NCAPG2: variants seen among roughly 807,000 people sequenced by gnomAD.
The protein encoded by NCAPG2 is condensin-2 complex subunit G2.
In NCAPG2, 53 loss-of-function variants were observed where a neutral mutation model predicts 141.1. The ratio of observed to expected loss-of-function variants is 0.38; its 90% CI spans 0.30 to 0.47. The LOEUF (loss-of-function observed/expected upper bound fraction) is 0.47, where lower values mean the gene tolerates loss of function less well. Among genes scored for constraint, NCAPG2 ranks in the 20% least tolerant of loss-of-function variants. The pLI, the probability that NCAPG2 is intolerant of heterozygous loss-of-function variation, is 0.99. For missense variants in NCAPG2, 1,087 were observed against 1,389.0 expected, an observed-to-expected ratio of 0.78 and a Z score of 3.46; for synonymous variants, 499 against 490.7, an observed-to-expected ratio of 1.02 and a Z score of -0.22.
chr7:158,689,918 T>C lies in NCAPG2; in HGVS notation c.573A>G (p.Gln191=), dbSNP rs377675963. The C allele has an allele frequency of 1.7e-5, 27 of 1,603,444 alleles. No homozygotes were observed. The highest frequency in any genetic ancestry group is 2.2e-5 in the Non-Finnish European group (26 of 1,175,752). Residue 191 remains glutamine (Q), a synonymous_variant, in exon 6 of 28, where the codon CAA becomes CAG. Transcript: ENST00000356309. Reference sequence around the variant, plus strand: ...AATCATAATCAAAGCAATATAAAGCTTGATGGATACGCCAAAGCCGACATA... The same window carrying C: ...AATCATAATCAAAGCAATATAAAGCCTGATGGATACGCCAAAGCCGACATA... ...ADVCRLWRIH[Q]ALYCFDYDLE...
chr7:158,657,590 T>C lies in NCAPG2; in HGVS notation c.2060+748A>G, dbSNP rs377089848. On this transcript the variant is annotated intron_variant, in intron 17 of 27. Coordinates refer to ENST00000356309, the MANE Select transcript of NCAPG2 (RefSeq NM_017760.7). ...CCGGGAGGTGAGGGGTGCCTCTGCC[T>C]GGCCGCCCCTACTGGGAAGTGAGGA... 4.1e-4 allele frequency among the ~76,000 whole-genome samples: 62 copies of C among 152,310 alleles called. No homozygotes were observed. The East Asian group carries it at 9.5e-3, about 23-fold the overall frequency.
chr7:158,641,254 A>G, intron 27 of NCAPG2: 1 of 371,234 alleles, frequency 2.7e-6, no homozygotes, highest in Non-Finnish European at 4.8e-6. Flanking sequence ...AACAAATAGA[A>G]GACAATAACA....
At chr7:158,689,380 C>A (rs897672195) in intron 6 of NCAPG2, among the ~76,000 whole-genome samples, 21 of 152,022 alleles carry the variant, frequency 1.4e-4, no homozygotes, top group Non-Finnish European at 2.9e-4. Context: ...TGGGAGTTGA[C>A]CCCAGGACGG....
chr7:158,637,041 G>A (rs548486010), intron 27 of NCAPG2, among the ~76,000 whole-genome samples: 15 of 151,678 alleles, frequency 9.9e-5, no homozygotes, highest in Admixed American at 3.3e-4. Flanking sequence ...TCCGCCTCCC[G>A]GGTTCATGCC....
At position 158,658,384 on chromosome 7, in the gene NCAPG2, A is replaced by T. The variant is rs750112074; in HGVS notation, c.2014T>A (p.Phe672Ile). ...FKDDRCKIPL[F>I]MLMSFMPASA... ...GCCGGCATAAAGGACATTAGCATGA[A>T]TAAAGGGATCTTGCAGCGATCATCC... The change falls in exon 17 of 28, where the codon TTC becomes ATC. Residue 672 changes from phenylalanine to isoleucine, a missense_variant. By Grantham distance (21) the Phe-to-Ile change is conservative (BLOSUM62 0). Transcript: ENST00000356309. The T allele has an allele frequency of 6.2e-6, 10 of 1,612,624 alleles. 1 individual carries two copies. In the Admixed American group the frequency reaches 1.3e-4, roughly 22 times the overall value.
At chr7:158,695,724 G>A (rs549663652) in intron 2 of NCAPG2, among the ~76,000 whole-genome samples, 2 of 152,318 alleles carry the variant, frequency 1.3e-5, no homozygotes, top group African/African-American at 2.4e-5. Context: ...TAGCAGTGAC[G>A]GCCCAGGCCT....
chr7:158,673,469 G>C (rs1424666314), intron 12 of NCAPG2, among the ~76,000 whole-genome samples: 4 of 152,194 alleles, frequency 2.6e-5, no homozygotes, highest in African/African-American at 9.6e-5. Context: ...GTGCAATAGT[G>C]AATCAGCATG....
rs757708504 is a variant in NCAPG2, at chr7:158,701,822, A to G, written c.78T>C (p.Asp26=). The change falls in exon 2 of 28, where the codon GAT becomes GAC. Residue 26 remains aspartate, a splice_region_variant and synonymous_variant. Transcript: ENST00000356309. ...AACAAAACTAAAACATGAAACTTACATCAAGTTGAACAAATTGCAAAAACT... is the reference window on the plus strand; with the variant it reads ...AACAAAACTAAAACATGAAACTTACGTCAAGTTGAACAAATTGCAAAAACT... ...VGEFLQFVQL[D]KEASDPFSLN... is the part of the protein sequence containing the mutation. The G allele has an allele frequency of 2.5e-6, 4 of 1,611,974 alleles. No homozygotes were observed. In the African/African-American group the frequency reaches 5.3e-5, roughly 22 times the overall value.
chr7:158,635,722 AAGAC>A (rs10572203), intron 27 of NCAPG2, among the ~76,000 whole-genome samples: 111,804 of 151,500 alleles, frequency 0.74, 41,558 homozygotes, highest in East Asian at 0.96. Flanking sequence ...TAGCACCCAA[AAGAC>A]AGACCAGTCA....
chr7:158,665,820 A>G (rs1016799451), intron 13 of NCAPG2, among the ~76,000 whole-genome samples: 45 of 152,284 alleles, frequency 3.0e-4, no homozygotes, highest in African/African-American at 1.1e-3. Flanking sequence ...ATTCAAATAG[A>G]CATATGAACG....
Position 158,656,549 on chromosome 7 carries a change from T to C in NCAPG2, c.2214+3A>G. 1 of 1,613,842 alleles carries C rather than the reference T, an allele frequency of 6.2e-7. No individual in the cohort carries two copies. The highest frequency in any genetic ancestry group is 8.5e-7 in the Non-Finnish European group (1 of 1,179,864). ...ATTTTAAGGAAACATGATGTCAACC[T>C]ACCTTGGCCTGGGCATGCTCTGTGG... On this transcript the variant is annotated splice_donor_region_variant and intron_variant, in intron 18 of 27. Transcript: ENST00000356309.
At chr7:158,692,988 T>TA (rs1835225426) in intron 3 of NCAPG2, 32 bp from the exon 4 acceptor site, 6 of 1,347,864 alleles carry the variant, frequency 4.5e-6, no homozygotes, top group Non-Finnish European at 6.2e-6. Context: ...ATGAGTGAAT[T>TA]AAAATCATCA....
At chr7:158,694,201 A>C (rs1457215712) in intron 2 of NCAPG2, among the ~76,000 whole-genome samples, 1 of 152,230 alleles carries the variant, frequency 6.6e-6, no homozygotes, top group African/African-American at 2.4e-5. Context: ...GCAACATAGC[A>C]AGAGCCCGTC....
intron 2 of NCAPG2, among the ~76,000 whole-genome samples, chr7:158,694,501 G>A (rs779204194): frequency 2.0e-5 from 3 of 152,176 alleles, no homozygotes; most frequent in Admixed American, 1.3e-4. Context: ...ACACAGGGAC[G>A]GACAGACCAT....
chr7:158,688,852 C>T (rs1834945063), intron 6 of NCAPG2, among the ~76,000 whole-genome samples: 1 of 152,188 alleles, frequency 6.6e-6, no homozygotes. Flanking sequence ...CTGTCTCTGC[C>T]GCTGAGCAGC....
chr7:158,680,029 A>T lies in NCAPG2; in HGVS notation c.1077T>A (p.Pro359=). The change falls in exon 11 of 28, where the codon CCT becomes CCA. Residue 359 remains proline (P), a synonymous_variant. Transcript: ENST00000356309. ...NAALLFVEAF[P]IRDPNLHAIE... is the part of the protein sequence containing the mutation. ...TAGCATGAAGGTTTGGATCCCTAAT[A>T]GGAAATGCTTCAACAAACAACAATG... is the stretch of plus-strand genomic sequence containing the variant. The T allele has an allele frequency of 6.2e-7, 1 of 1,614,166 alleles. No homozygotes were observed. Among genetic ancestry groups the T allele is most frequent in the Non-Finnish European group, 8.5e-7 (1 of 1,179,972 alleles).
chr7:158,647,885 A>G (rs1457148653), intron 24 of NCAPG2, among the ~76,000 whole-genome samples: 1 of 152,078 alleles, frequency 6.6e-6, no homozygotes, highest in Non-Finnish European at 1.5e-5. Context: ...GGGTCGCACC[A>G]TGTTGCCTAG....
At chr7:158,692,488 G>C (rs1835180916) in intron 4 of NCAPG2, among the ~76,000 whole-genome samples, 1 of 152,084 alleles carries the variant, frequency 6.6e-6, no homozygotes, top group Admixed American at 6.6e-5. Context: ...TATCATTTCA[G>C]GCCAGCCACG....
chr7:158,652,191 AC>A, intron 23 of NCAPG2, 101 bp downstream of exon 23: 1 of 1,197,730 alleles, frequency 8.3e-7, no homozygotes, highest in Admixed American at 2.4e-5. Context: ...ACTGCGTGTC[AC>A]CCGAGCGTGA....
Sources: gnomAD v4.1 joint callset for allele counts (sites outside exome capture counted in the v4.1 genomes callset) on GRCh38, gnomAD v4.1.1 for gene constraint, MANE v1.5 for transcripts, NCBI Gene and HGNC (gene_info 2026-07-23, HGNC 2026-07-21) for gene names.